OR2AT4: variants seen among roughly 807,000 people sequenced by gnomAD.
The protein encoded by OR2AT4 is olfactory receptor 2AT4.
In OR2AT4, 6 loss-of-function variants were observed where a neutral mutation model predicts 10.3. The ratio of observed to expected loss-of-function variants is 0.58; its 90% CI spans 0.32 to 1.15. The LOEUF (loss-of-function observed/expected upper bound fraction) is 1.15, where lower values mean the gene tolerates loss of function less well. OR2AT4 is among the 50% of genes most tolerant of loss of function. The pLI, the probability that OR2AT4 is intolerant of heterozygous loss-of-function variation, is 0.05. For synonymous variants in OR2AT4, 145 were observed against 159.1 expected, an observed-to-expected ratio of 0.91 and a Z score of 0.67; for missense variants, 354 against 393.8, an observed-to-expected ratio of 0.90 and a Z score of 0.85.
At chr11:75,092,515 A>G (rs528410651) in intron 1 of OR2AT4, among the ~76,000 whole-genome samples, 20 of 152,356 alleles carry the variant, frequency 1.3e-4, no homozygotes, top group Admixed American at 9.8e-4. Flanking sequence ...TGATGCAGCT[A>G]AAGATATAGC....
At chr11:75,089,780 A>G (rs1008518516) in exon 2 of OR2AT4, 22 of 1,478,770 alleles carry the variant, frequency 1.5e-5, no homozygotes, top group Non-Finnish European at 1.9e-5. Flanking sequence ...AACATCTGGA[A>G]ACCATAGAAA....
chr11:75,090,241 G>A (rs1949314982), exon 2 of OR2AT4: 1 of 156,286 alleles, frequency 6.4e-6, no homozygotes, highest in African/African-American at 2.4e-5. Flanking sequence ...CCATTGAGGG[G>A]CTTCTTTCTC....
At chr11:75,085,975 G>A (rs1034457918) in exon 2 of OR2AT4, 5 of 151,986 alleles carry the variant, frequency 3.3e-5, no homozygotes, top group Admixed American at 6.5e-5. Flanking sequence ...GTGTGGTATC[G>A]GTAAAGGATA....
chr11:75,089,069 G>A lies in OR2AT4; in HGVS notation c.645C>T (p.Pro215=), dbSNP rs752992836. Residue 215 remains proline, a synonymous_variant, in exon 2 of 2, where the codon CCC becomes CCT. Coordinates refer to ENST00000641504, the Ensembl canonical transcript of OR2AT4. ...CATAGGAGAGAAGCACCAGGAGAAG[G>A]GGGAGGAAGGACACCACCATGGCGA... is the stretch of plus-strand genomic sequence containing the variant. 3.1e-6 allele frequency: 5 copies of A among 1,613,918 alleles called. No individual in the cohort carries two copies. In the African/African-American group the frequency reaches 4.0e-5, roughly 13 times the overall value.
At chr11:75,084,374 G>A (rs965271546) in exon 2 of OR2AT4, 1 of 152,140 alleles carries the variant, frequency 6.6e-6, no homozygotes, top group African/African-American at 2.4e-5. Flanking sequence ...ACAAACTGGT[G>A]AAATTGAAGG....
rs758233589 is a variant in OR2AT4 at position 75,088,998 on chromosome 11, C to T, written c.716G>A (p.Arg239Gln). The change falls in exon 2 of 2, where the codon CGG becomes CAG. Residue 239 changes from arginine to glutamine, a missense_variant. Arg to Gln is a conservative substitution (Grantham distance 43). Transcript: ENST00000641504. ...GCTGCAGGTGGAGAAGGCTTTTGCC[C>T]GTCCTTCTAGGGAACTGATGCGAAG... 1.6e-5 allele frequency: 26 copies of T among 1,614,016 alleles called. No individual in the cohort carries two copies. The African/African-American group carries it at 1.7e-4, about 11-fold the overall frequency.
At chr11:75,094,103 G>A (rs935457319) in intron 1 of OR2AT4, among the ~76,000 whole-genome samples, 1 of 151,798 alleles carries the variant, frequency 6.6e-6, no homozygotes. Context: ...GATTACAGGC[G>A]TGAACCACCG....
At chr11:75,086,623 A>G (rs1445522415) in exon 2 of OR2AT4, 1 of 152,210 alleles carries the variant, frequency 6.6e-6, no homozygotes, top group Non-Finnish European at 1.5e-5. Flanking sequence ...ATTAAATTAA[A>G]TTACAACCAC....
chr11:75,082,577 G>A (rs1292855996), exon 2 of OR2AT4: 5 of 152,170 alleles, frequency 3.3e-5, no homozygotes, highest in East Asian at 1.9e-4. Context: ...AGATTTAAAT[G>A]TAAAGATCTC....
exon 2 of OR2AT4, chr11:75,086,644 C>T (rs1949292314): frequency 1.3e-5 from 2 of 152,100 alleles, no homozygotes; most frequent in South Asian, 4.1e-4. Flanking sequence ...AATAAGATAC[C>T]ACTACATACC....
exon 2 of OR2AT4, chr11:75,086,893 T>G (rs1591784372): frequency 6.6e-6 from 1 of 152,240 alleles, no homozygotes; most frequent in African/African-American, 2.4e-5. Flanking sequence ...TGGCAGCCCC[T>G]GAGCTCTTTA....
exon 2 of OR2AT4, chr11:75,082,468 A>G (rs1949271164): frequency 6.6e-6 from 1 of 152,018 alleles, no homozygotes; most frequent in Non-Finnish European, 1.5e-5. Context: ...ATAAATAAAT[A>G]AATAAATAGT....
chr11:75,082,521 A>AC (rs1346282674), exon 2 of OR2AT4: 1 of 152,168 alleles, frequency 6.6e-6, no homozygotes, highest in Non-Finnish European at 1.5e-5. Flanking sequence ...ATGAAACTGC[A>AC]CCCCTACCTT....
chr11:75,085,633 T>C (rs1183859802), exon 2 of OR2AT4: 2 of 151,994 alleles, frequency 1.3e-5, no homozygotes, highest in Admixed American at 6.6e-5. Flanking sequence ...AATCTAGTAA[T>C]ATATAAAGGG....
At chr11:75,082,844 G>A (rs569559488) in exon 2 of OR2AT4, 24 of 152,272 alleles carry the variant, frequency 1.6e-4, no homozygotes, top group African/African-American at 5.3e-4. Context: ...AACTTTGGGA[G>A]GCGGAGGTGG....
exon 2 of OR2AT4, chr11:75,088,884 A>G: frequency 6.2e-7 from 1 of 1,614,020 alleles, no homozygotes; most frequent in Non-Finnish European, 8.5e-7. Context: ...ATTGCCCATG[A>G]TATGGAAGTC....
chr11:75,096,516 T>C (rs1949349448), intron 1 of OR2AT4, among the ~76,000 whole-genome samples: 1 of 152,196 alleles, frequency 6.6e-6, no homozygotes, highest in African/African-American at 2.4e-5. Flanking sequence ...CTTTGTGCTT[T>C]CCTCCAATGG....
exon 2 of OR2AT4, chr11:75,089,908 G>C (rs1949313937): frequency 1.8e-6 from 1 of 543,104 alleles, no homozygotes; most frequent in African/African-American, 1.9e-5. Context: ...TTTGCCATGT[G>C]AACGCAAAAT....
chr11:75,089,653 T>G, exon 2 of OR2AT4: 2 of 1,613,800 alleles, frequency 1.2e-6, no homozygotes, highest in Non-Finnish European at 1.7e-6. Context: ...AGAGAGGGGA[T>G]GCCCAATAGA....
Sources: gnomAD v4.1 joint callset for allele counts (sites outside exome capture counted in the v4.1 genomes callset) on GRCh38, gnomAD v4.1.1 for gene constraint, MANE v1.5 for transcripts, NCBI Gene and HGNC (gene_info 2026-07-23, HGNC 2026-07-21) for gene names.